Variants in DAB1 observed in about 807,000 individuals in gnomAD.
DAB1 encodes DAB adaptor protein 1, also known as disabled homolog 1.
In DAB1, 15 loss-of-function variants were observed where a neutral mutation model predicts 64.6. The observed-to-expected ratio is 0.23, with a 90% CI of 0.16 to 0.36. The LOEUF is 0.36. DAB1 is among the 10% of genes least tolerant of loss of function. The pLI, the probability that DAB1 is intolerant of heterozygous loss-of-function variation, is 1.00. For missense variants in DAB1, 596 were observed against 706.7 expected (o/e 0.84, Z 1.78); for synonymous variants, 235 against 251.9 (o/e 0.93, Z 0.64).
chr1:57,130,858 G>A (rs1237657432), intron 4 of DAB1, among the ~76,000 whole-genome samples: 2 of 152,114 alleles, frequency 1.3e-5, no homozygotes, highest in Non-Finnish European at 2.9e-5. Context: ...TATGTATATG[G>A]GTAAAATACT....
intron 5 of DAB1, among the ~76,000 whole-genome samples, chr1:58,039,433 G>A (rs1387992141): frequency 6.6e-6 from 1 of 152,198 alleles, no homozygotes; most frequent in African/African-American, 2.4e-5. Flanking sequence ...CTGGTGCCTT[G>A]AGTGTGCACC....
At chr1:58,297,507 G>T (rs983896589) in intron 4 of DAB1, among the ~76,000 whole-genome samples, 1 of 152,098 alleles carries the variant, frequency 6.6e-6, no homozygotes, top group African/African-American at 2.4e-5. Context: ...CTCAATGGTG[G>T]GCTCTTGCAC....
intron 4 of DAB1, among the ~76,000 whole-genome samples, chr1:58,311,319 A>T (rs1031518979): frequency 6.6e-6 from 1 of 152,186 alleles, no homozygotes; most frequent in African/African-American, 2.4e-5. Flanking sequence ...CAGTAGCTCA[A>T]ATAAGATCTG....
intron 3 of DAB1, among the ~76,000 whole-genome samples, chr1:58,387,893 A>AT (rs1277368870): frequency 1.3e-5 from 2 of 151,506 alleles, no homozygotes; most frequent in African/African-American, 4.8e-5. Context: ...CGCCTGGTTA[A>AT]TTTTTTTGTA....
chr1:57,193,372 G>C (rs1342707478), intron 2 of DAB1, among the ~76,000 whole-genome samples: 1 of 127,816 alleles, frequency 7.8e-6, no homozygotes, highest in Non-Finnish European at 1.6e-5. Flanking sequence ...AGATTCATCC[G>C]TAGCATATGT....
At chr1:57,945,733 C>T (rs957720638) in intron 5 of DAB1, among the ~76,000 whole-genome samples, 7 of 152,132 alleles carry the variant, frequency 4.6e-5, no homozygotes, top group African/African-American at 1.4e-4. Flanking sequence ...TGCATATATA[C>T]AAACTTCTGT....
intron 5 of DAB1, among the ~76,000 whole-genome samples, chr1:58,016,936 C>A (rs184419479): frequency 1.3e-5 from 2 of 152,116 alleles, no homozygotes; most frequent in Non-Finnish European, 2.9e-5. Context: ...CACTTTACAG[C>A]GAGCGCTCTG....
intron 3 of DAB1, among the ~76,000 whole-genome samples, chr1:58,386,516 T>G (rs569800796): frequency 9.9e-5 from 15 of 152,104 alleles, no homozygotes; most frequent in African/African-American, 3.6e-4. Flanking sequence ...ATCTGACAAG[T>G]GAAAGAACAA....
chr1:58,302,211 G>A (rs1662188786), intron 4 of DAB1, among the ~76,000 whole-genome samples: 1 of 152,104 alleles, frequency 6.6e-6, no homozygotes, highest in Admixed American at 6.6e-5. Context: ...ATTGCACTAA[G>A]ACACAGCAGT....
At chr1:58,216,921 G>T (rs1658886414) in intron 4 of DAB1, among the ~76,000 whole-genome samples, 1 of 152,118 alleles carries the variant, frequency 6.6e-6, no homozygotes. Context: ...AGGCTTGATG[G>T]CTTATAAAAC....
intron 7 of DAB1, among the ~76,000 whole-genome samples, chr1:57,450,968 G>A (rs919308774): frequency 3.3e-5 from 5 of 152,180 alleles, no homozygotes; most frequent in African/African-American, 4.8e-5. Flanking sequence ...CACTTAAAAC[G>A]TCTTTCTTTT....
At chr1:57,188,635 T>C (rs1373288071) in intron 2 of DAB1, among the ~76,000 whole-genome samples, 1 of 113,038 alleles carries the variant, frequency 8.8e-6, no homozygotes, top group African/African-American at 4.1e-5. Flanking sequence ...TCCCAATGCT[T>C]TCCCAGCATA....
chr1:57,385,185 G>A (rs1681712635), intron 1 of DAB1, among the ~76,000 whole-genome samples: 1 of 152,180 alleles, frequency 6.6e-6, no homozygotes, highest in Admixed American at 6.5e-5. Context: ...TAGGGATTAG[G>A]TATTATTCAA....
chr1:57,449,239 T>C (rs1686260508), intron 7 of DAB1, among the ~76,000 whole-genome samples: 1 of 152,146 alleles, frequency 6.6e-6, no homozygotes, highest in Non-Finnish European at 1.5e-5. Context: ...ACTTGTTCTG[T>C]GACATTATAA....
chr1:57,367,924 T>C (rs557150755), intron 1 of DAB1, among the ~76,000 whole-genome samples: 8 of 152,306 alleles, frequency 5.3e-5, no homozygotes, highest in Non-Finnish European at 1.2e-4. Flanking sequence ...ACCTCCCTCC[T>C]GGGTGCAGCT....
intron 5 of DAB1, among the ~76,000 whole-genome samples, chr1:58,116,000 T>TAC (rs1652309061): frequency 6.7e-6 from 1 of 149,078 alleles, no homozygotes; most frequent in Admixed American, 6.7e-5. Flanking sequence ...AAAAAAAAAA[T>TAC]TAATATTAAA....
chr1:57,981,398 G>T (rs140582467), intron 5 of DAB1, among the ~76,000 whole-genome samples: 12 of 152,226 alleles, frequency 7.9e-5, no homozygotes, highest in African/African-American at 2.6e-4. Context: ...AGACTACTGT[G>T]CAGTTCTTAA....
At chr1:57,804,865 CT>C (rs1651290189) in intron 6 of DAB1, among the ~76,000 whole-genome samples, 1 of 152,134 alleles carries the variant, frequency 6.6e-6, no homozygotes, top group African/African-American at 2.4e-5. Flanking sequence ...CCCGAGGAAA[CT>C]TTATTTGCTA....
At chr1:58,536,633 T>C in intron 1 of DAB1, 1 of 872,802 alleles carries the variant, frequency 1.1e-6, no homozygotes, top group Non-Finnish European at 2.0e-6. Context: ...CAAAGAGCAA[T>C]CCAAAACTAC....
Sources: gnomAD v4.1 joint callset for allele counts (sites outside exome capture counted in the v4.1 genomes callset) on GRCh38, gnomAD v4.1.1 for gene constraint, MANE v1.5 for transcripts, NCBI Gene and HGNC (gene_info 2026-07-23, HGNC 2026-07-21) for gene names.